The following ERG variants were observed in gnomAD, a reference collection of about 807,000 sequenced individuals.
ERG encodes the protein ETS transcription factor ERG.
Under a neutral mutation model 55.3 loss-of-function variants are expected in ERG, and 9 were observed. The ratio of observed to expected loss-of-function variants is 0.16; its 90% confidence interval spans 0.10 to 0.28. The LOEUF (loss-of-function observed/expected upper bound fraction) is 0.28, where lower values mean the gene tolerates loss of function less well. ERG is among the 10% of genes least tolerant of loss of function. The pLI, the probability that ERG is intolerant of heterozygous loss-of-function variation, is 1.00. For synonymous variants in ERG, 223 were observed against 237.3 expected, an observed-to-expected ratio of 0.94 and a Z score of 0.55; for missense variants, 434 against 631.6, an observed-to-expected ratio of 0.69 and a Z score of 3.35.
intron 2 of ERG, among the ~76,000 whole-genome samples, chr21:38,516,808 T>A (rs556758374): frequency 6.6e-6 from 1 of 151,666 alleles, no homozygotes; most frequent in African/African-American, 2.4e-5. Context: ...CAGAAATAAA[T>A]CCACATATTC....
intron 2 of ERG, among the ~76,000 whole-genome samples, chr21:38,518,786 C>T (rs2059572275): frequency 6.6e-6 from 1 of 151,948 alleles, no homozygotes; most frequent in Non-Finnish European, 1.5e-5. Context: ...AATTGAACTG[C>T]ATTAAAATAA....
intron 2 of ERG, among the ~76,000 whole-genome samples, chr21:38,537,959 T>C (rs1440936262): frequency 6.6e-6 from 1 of 152,188 alleles, no homozygotes; most frequent in African/African-American, 2.4e-5. Flanking sequence ...ATGGGATATC[T>C]TCAGCCTTAG....
intron 9 of ERG, among the ~76,000 whole-genome samples, chr21:38,390,711 C>A (rs192678840): frequency 2.0e-5 from 3 of 152,154 alleles, no homozygotes; most frequent in Non-Finnish European, 2.9e-5. Flanking sequence ...TCCAGAACTG[C>A]GAGACAATAA....
chr21:38,443,952 C>A (rs1402306087), intron 2 of ERG, among the ~76,000 whole-genome samples: 1 of 152,132 alleles, frequency 6.6e-6, no homozygotes, highest in Non-Finnish European at 1.5e-5. Flanking sequence ...AGCATCAGAG[C>A]CAGTGCACTT....
chr21:38,383,736 G>C lies in ERG; in HGVS notation c.1107C>G (p.Leu369=), dbSNP rs1468564342. ...NMNYDKLSRA[L]RYYYDKNIMT... is the part of the protein sequence containing the mutation. ...TGATGTTCTTGTCATAGTAGTAACGGAGGGCGCGGCTGAGCTTATCGTAGT... is the reference window on the plus strand; with the variant it reads ...TGATGTTCTTGTCATAGTAGTAACGCAGGGCGCGGCTGAGCTTATCGTAGT... Residue 369 remains leucine (L), a synonymous_variant, in exon 10 of 10, where the codon CTC becomes CTG. Coordinates refer to ENST00000288319, the MANE Select transcript of ERG (RefSeq NM_182918.4). This position sits in a 1 kb window ranked among gnomAD's most constrained non-coding sequence, Gnocchi z 5.7. 1 of 1,614,186 alleles carries C rather than the reference G, an allele frequency of 6.2e-7. No homozygotes were observed. The highest frequency in any genetic ancestry group is 1.1e-5 in the South Asian group (1 of 91,086).
chr21:38,455,094 T>TTTTC lies in ERG; in HGVS notation c.19-9477_19-9474dup, dbSNP rs1250651080. ...CCATGGTCTTATAACATAATGTTCTTTTTCTTTCTTTCTTTCTTTCTTTCT... is the reference window on the plus strand; with the variant it reads ...CCATGGTCTTATAACATAATGTTCTTTTTCTTTCTTTCTTTCTTTCTTTCTTTCT... On this transcript the variant is annotated intron_variant, in intron 1 of 9. Coordinates refer to ENST00000288319, the MANE Select transcript of ERG (RefSeq NM_182918.4). Among the ~76,000 whole-genome samples, 221 of 144,944 alleles carry TTTTC rather than the reference T, an allele frequency of 1.5e-3. 3 individuals carry two copies. The East Asian group carries it at 0.038, about 25-fold the overall frequency.
chr21:38,488,868 T>A (rs990982080), intron 1 of ERG, among the ~76,000 whole-genome samples: 7 of 152,218 alleles, frequency 4.6e-5, no homozygotes, highest in East Asian at 3.9e-4. Context: ...CCCTTAAAAA[T>A]CACCGAGTAG....
chr21:38,394,102 A>G (rs1394083568), intron 6 of ERG, among the ~76,000 whole-genome samples: 1 of 152,322 alleles, frequency 6.6e-6, no homozygotes, highest in East Asian at 1.9e-4. Context: ...TGTCTCAGAA[A>G]GAAAAACCTA....
chr21:38,379,919 G>A (rs959421817), downstream of ERG: 12 of 654,484 alleles, frequency 1.8e-5, no homozygotes, highest in South Asian at 7.0e-5. Context: ...GGCTGGTCCC[G>A]GGCTCAAGCG....
intron 1 of ERG, among the ~76,000 whole-genome samples, chr21:38,464,141 TA>T (rs2059067975): frequency 6.6e-6 from 1 of 152,220 alleles, no homozygotes; most frequent in Non-Finnish European, 1.5e-5. Context: ...AATTAAATAT[TA>T]AACAACTATT....
At chr21:38,607,376 C>T (rs116818553) in intron 1 of ERG, among the ~76,000 whole-genome samples, 3,001 of 152,262 alleles carry the variant, frequency 0.02, 91 homozygotes, top group African/African-American at 0.069. Flanking sequence ...TGGTGGCTCA[C>T]GCCTGTAATC....
At chr21:38,600,143 C>G (rs1479589272) in intron 1 of ERG, among the ~76,000 whole-genome samples, 4 of 152,198 alleles carry the variant, frequency 2.6e-5, no homozygotes, top group Admixed American at 2.6e-4. Flanking sequence ...GAAGAGTCTA[C>G]AGATACAAGG....
intron 1 of ERG, among the ~76,000 whole-genome samples, chr21:38,480,807 G>T (rs535101479): frequency 1.8e-3 from 266 of 151,988 alleles, no homozygotes; most frequent in Non-Finnish European, 3.0e-3. Context: ...TTATCCCACT[G>T]GAGGAAAAGT....
intron 2 of ERG, among the ~76,000 whole-genome samples, chr21:38,571,651 C>T (rs973460023): frequency 2.0e-5 from 3 of 152,108 alleles, no homozygotes; most frequent in Non-Finnish European, 2.9e-5. Flanking sequence ...AAATAAACAG[C>T]CTGCTCATTT....
chr21:38,424,459 G>T (rs538659384), intron 2 of ERG, among the ~76,000 whole-genome samples: 1 of 152,296 alleles, frequency 6.6e-6, no homozygotes, highest in South Asian at 2.1e-4. Flanking sequence ...CAAGGGAGGC[G>T]GAACTACCAC....
chr21:38,635,032 A>C (rs1489052249), intron 1 of ERG, among the ~76,000 whole-genome samples: 1 of 152,232 alleles, frequency 6.6e-6, no homozygotes, highest in Non-Finnish European at 1.5e-5. Context: ...CATATTGCTA[A>C]GGGAAAAGTC....
intron 2 of ERG, among the ~76,000 whole-genome samples, chr21:38,509,271 C>G (rs2059493178): frequency 6.6e-6 from 1 of 152,190 alleles, no homozygotes; most frequent in African/African-American, 2.4e-5. Context: ...GTTGCTACAG[C>G]AGAAAATATT....
At chr21:38,600,312 A>C (rs9636942) in intron 1 of ERG, among the ~76,000 whole-genome samples, 3,413 of 152,312 alleles carry the variant, frequency 0.022, 77 homozygotes, top group East Asian at 0.092. Flanking sequence ...CCTGCAGGCC[A>C]GTAGCTGGGA....
At chr21:38,453,799 G>C (rs755698061) in intron 1 of ERG, among the ~76,000 whole-genome samples, 1 of 150,142 alleles carries the variant, frequency 6.7e-6, no homozygotes, top group East Asian at 2.0e-4. Flanking sequence ...CAAGAGAATC[G>C]CTTGAACCCG....
Sources: allele counts gnomAD v4.1 joint callset (sites outside exome capture counted in the v4.1 genomes callset), GRCh38; gene constraint gnomAD v4.1.1; non-coding constraint Gnocchi (gnomAD v3.1); transcripts MANE v1.5; gene names NCBI Gene and HGNC (gene_info 2026-07-23, HGNC 2026-07-21).